Variants in ALK observed in about 807,000 individuals in gnomAD.
ALK encodes the protein ALK receptor tyrosine kinase.
ALK carries 74 observed loss-of-function variants against 163.1 expected under a neutral mutation model. The observed-to-expected ratio is 0.45, with a 90% CI of 0.38 to 0.55. The LOEUF is 0.55. Among genes scored for constraint, ALK ranks in the 20% least tolerant of loss-of-function variants. The pLI is 0.00. For synonymous variants in ALK, 960 were observed against 843.2 expected, an observed-to-expected ratio of 1.14 and a Z score of -2.40; for missense variants, 2,063 against 2,105.3, an observed-to-expected ratio of 0.98 and a Z score of 0.39.
intron 4 of ALK, among the ~76,000 whole-genome samples, chr2:29,411,648 A>G (rs902297133): frequency 2.6e-5 from 4 of 152,152 alleles, no homozygotes; most frequent in Admixed American, 6.5e-5. Context: ...ACCCTTCACT[A>G]TGAATTTTCT....
At chr2:29,908,951 A>G (rs1667625465) in intron 1 of ALK, among the ~76,000 whole-genome samples, 1 of 144,948 alleles carries the variant, frequency 6.9e-6, no homozygotes, top group Non-Finnish European at 1.5e-5. Context: ...AATTTAAAAG[A>G]AAAAAAAACT....
chr2:29,638,603 G>A (rs1028931533), intron 3 of ALK, among the ~76,000 whole-genome samples: 5 of 152,104 alleles, frequency 3.3e-5, no homozygotes, highest in South Asian at 4.2e-4. Context: ...CAAGGGTCTC[G>A]TCCTTTCTCT....
chr2:29,379,979 C>T (rs988271776), intron 5 of ALK, among the ~76,000 whole-genome samples: 2 of 152,128 alleles, frequency 1.3e-5, no homozygotes, highest in East Asian at 1.9e-4. Context: ...GTTCCACAGG[C>T]TGTACAGGAA....
chr2:29,379,093 T>C (rs1196297947), intron 5 of ALK, among the ~76,000 whole-genome samples: 3 of 152,204 alleles, frequency 2.0e-5, no homozygotes, highest in African/African-American at 7.2e-5. Context: ...CCTCTGAACC[T>C]GAGGGGTCCC....
chr2:29,451,572 T>C (rs1429195162), intron 4 of ALK, among the ~76,000 whole-genome samples: 1 of 152,156 alleles, frequency 6.6e-6, no homozygotes, highest in Non-Finnish European at 1.5e-5. Context: ...CCATTGGACA[T>C]AACTTCCTCC....
intron 3 of ALK, among the ~76,000 whole-genome samples, chr2:29,693,171 C>T (rs566641504): frequency 2.9e-4 from 44 of 152,202 alleles, no homozygotes; most frequent in South Asian, 4.2e-4. Flanking sequence ...TCAGATTCTT[C>T]GGCTTTTTGG....
At chr2:29,486,528 A>C (rs1671780391) in intron 4 of ALK, among the ~76,000 whole-genome samples, 1 of 152,232 alleles carries the variant, frequency 6.6e-6, no homozygotes, top group Non-Finnish European at 1.5e-5. Flanking sequence ...TAAAGTCAGC[A>C]CATTTTGAAG....
chr2:29,740,236 T>G (rs1446393842), intron 1 of ALK, among the ~76,000 whole-genome samples: 5 of 152,040 alleles, frequency 3.3e-5, no homozygotes, highest in African/African-American at 1.2e-4. Context: ...CAGAGCTCTA[T>G]CAGCTTCACG....
At chr2:29,636,922 A>C (rs534503183) in intron 3 of ALK, among the ~76,000 whole-genome samples, 8 of 152,220 alleles carry the variant, frequency 5.3e-5, no homozygotes, top group Non-Finnish European at 8.8e-5. Flanking sequence ...AATGGCTACA[A>C]TAAAAAATGA....
At chr2:29,423,294 T>C (rs924613825) in intron 4 of ALK, among the ~76,000 whole-genome samples, 17 of 152,248 alleles carry the variant, frequency 1.1e-4, no homozygotes, top group African/African-American at 3.6e-4. Context: ...TGTGAGCCCT[T>C]TGACTGGTAA....
intron 1 of ALK, among the ~76,000 whole-genome samples, chr2:29,739,705 A>G (rs1679998577): frequency 6.6e-6 from 1 of 152,124 alleles, no homozygotes; most frequent in African/African-American, 2.4e-5. Flanking sequence ...ACAAAATTTA[A>G]TGAAGATGAA....
chr2:29,351,907 G>C (rs934790841), intron 5 of ALK, among the ~76,000 whole-genome samples: 1 of 152,180 alleles, frequency 6.6e-6, no homozygotes, highest in African/African-American at 2.4e-5. Context: ...GGACTCTCCT[G>C]TTTGGGGGTC....
intron 3 of ALK, among the ~76,000 whole-genome samples, chr2:29,596,516 G>C (rs571150003): frequency 4.6e-5 from 7 of 152,258 alleles, no homozygotes; most frequent in Admixed American, 3.3e-4. Context: ...GGAGAGTAAA[G>C]ACACCTTAAG....
At chr2:29,236,161 C>T (rs565993646) in intron 13 of ALK, among the ~76,000 whole-genome samples, 1 of 152,104 alleles carries the variant, frequency 6.6e-6, no homozygotes, top group South Asian at 2.1e-4. Context: ...TTCTTGACAG[C>T]TCTGTTGGAG....
rs757410904 is a variant in ALK, at chr2:29,239,849, C to A, written c.2205-19G>T. On this transcript the variant is annotated intron_variant, in intron 12 of 28. Transcript: ENST00000389048. ...CGAGATGCTGCAATGGGACAAAGAA[C>A]GTTGGCTCCCGCTGTGGTATGAAGA... The A allele has an allele frequency of 6.8e-6, 11 of 1,610,510 alleles. No homozygotes were observed. The highest frequency in any genetic ancestry group is 9.3e-6 in the Non-Finnish European group (11 of 1,178,636).
chr2:29,772,469 G>T (rs1025145707), intron 1 of ALK, among the ~76,000 whole-genome samples: 3 of 152,152 alleles, frequency 2.0e-5, no homozygotes, highest in Admixed American at 6.5e-5. Flanking sequence ...GCATGTCTTG[G>T]CACATATGCA....
intron 4 of ALK, among the ~76,000 whole-genome samples, chr2:29,444,264 G>C (rs1670615919): frequency 6.6e-6 from 1 of 152,164 alleles, no homozygotes; most frequent in South Asian, 2.1e-4. Context: ...GGAACATGAA[G>C]GAAACTGAAG....
At chr2:29,315,097 T>G (rs1410266718) in intron 8 of ALK, among the ~76,000 whole-genome samples, 1 of 152,176 alleles carries the variant, frequency 6.6e-6, no homozygotes, top group Non-Finnish European at 1.5e-5. Flanking sequence ...GAGAAGAGCT[T>G]GTGGCGGAGA....
intron 3 of ALK, among the ~76,000 whole-genome samples, chr2:29,682,841 T>G (rs111795118): frequency 2.0e-4 from 30 of 152,244 alleles, no homozygotes; most frequent in African/African-American, 6.5e-4. Context: ...TGCCTCTAGA[T>G]GCAACAAATG....
Sources: gnomAD v4.1 joint callset for allele counts (sites outside exome capture counted in the v4.1 genomes callset) on GRCh38, gnomAD v4.1.1 for gene constraint, MANE v1.5 for transcripts, NCBI Gene and HGNC (gene_info 2026-07-23, HGNC 2026-07-21) for gene names.